Variants in CTNND2 observed in about 807,000 individuals in gnomAD.
CTNND2 encodes the protein catenin delta 2, also known as catenin delta-2.
CTNND2 carries 22 observed loss-of-function variants against 144.4 expected under a neutral mutation model. The ratio of observed to expected loss-of-function variants is 0.15; its 90% confidence interval spans 0.11 to 0.22. The LOEUF is 0.22. Ranked by LOEUF, CTNND2 falls within the 10% of genes least tolerant of loss-of-function variation. The probability of loss-of-function intolerance (pLI) is 1.00; values close to 1 mark genes in which losing one functional copy is unlikely to be tolerated. For synonymous variants in CTNND2, 751 were observed against 695.6 expected (o/e 1.08, Z -1.25); for missense variants, 1,353 against 1,618.8 (o/e 0.84, Z 2.82).
At chr5:11,573,509 T>C (rs986059336) in intron 2 of CTNND2, among the ~76,000 whole-genome samples, 1 of 152,106 alleles carries the variant, frequency 6.6e-6, no homozygotes, top group Non-Finnish European at 1.5e-5. Context: ...AGGGTAATAA[T>C]TGGAAGCCTA....
rs140750980 is a variant in CTNND2, at chr5:11,693,658, A to G, written c.174+38478T>C. Among the ~76,000 whole-genome samples the G allele has an allele frequency of 4.6e-5, 7 of 152,352 alleles. No homozygotes were observed. In the East Asian group the frequency reaches 1.3e-3, roughly 29 times the overall value. Reference sequence around the variant, plus strand: ...TTGATCACTGGTGTATGCCTGTCATACAGAAATGCTCCATAAATATTTGGA... The same window carrying G: ...TTGATCACTGGTGTATGCCTGTCATGCAGAAATGCTCCATAAATATTTGGA... On this transcript the variant is annotated intron_variant, in intron 2 of 21. Transcript: ENST00000304623.
chr5:11,830,773 C>T (rs1348503868), intron 1 of CTNND2, among the ~76,000 whole-genome samples: 1 of 152,068 alleles, frequency 6.6e-6, no homozygotes, highest in Admixed American at 6.5e-5. Context: ...TGCAGAGCAC[C>T]CGGACTCCTT....
intron 3 of CTNND2, among the ~76,000 whole-genome samples, chr5:11,428,262 ATT>A (rs2149868205): frequency 6.6e-6 from 1 of 152,288 alleles, no homozygotes; most frequent in South Asian, 2.1e-4. Flanking sequence ...TTTTTAATTA[ATT>A]TCCAAAATCT....
chr5:11,196,943 C>T (rs1736917521), intron 11 of CTNND2, among the ~76,000 whole-genome samples: 1 of 152,196 alleles, frequency 6.6e-6, no homozygotes, highest in Non-Finnish European at 1.5e-5. Flanking sequence ...CTGGCTTTGG[C>T]TTGCTTTACA....
At chr5:10,978,306 A>G (rs1019029870) in intron 21 of CTNND2, among the ~76,000 whole-genome samples, 2 of 152,206 alleles carry the variant, frequency 1.3e-5, no homozygotes, top group Non-Finnish European at 2.9e-5. Context: ...AGGACTCCCA[A>G]CCGGAAGAGA....
chr5:11,342,342 C>T (rs753423988), intron 9 of CTNND2, among the ~76,000 whole-genome samples: 10 of 152,188 alleles, frequency 6.6e-5, no homozygotes, highest in South Asian at 2.1e-4. Flanking sequence ...TCAAATTTTG[C>T]GGTTTGAAAC....
chr5:11,226,734 G>A (rs938807859), intron 10 of CTNND2, among the ~76,000 whole-genome samples: 4 of 152,200 alleles, frequency 2.6e-5, no homozygotes, highest in Non-Finnish European at 5.9e-5. Context: ...TGGGAATTAT[G>A]GGAACTACAA....
At chr5:11,153,301 A>G (rs1003379396) in intron 12 of CTNND2, among the ~76,000 whole-genome samples, 6 of 152,168 alleles carry the variant, frequency 3.9e-5, no homozygotes, top group African/African-American at 1.2e-4. Context: ...CAGCTGACAC[A>G]TGCCCCTCAT....
chr5:11,601,954 C>T (rs979137114), intron 2 of CTNND2, among the ~76,000 whole-genome samples: 2 of 151,998 alleles, frequency 1.3e-5, no homozygotes, highest in African/African-American at 4.8e-5. Context: ...AATCTGCCCC[C>T]GCCAAACACT....
chr5:11,675,961 G>A (rs1445232426), intron 2 of CTNND2, among the ~76,000 whole-genome samples: 1 of 151,742 alleles, frequency 6.6e-6, no homozygotes, highest in Admixed American at 6.6e-5. Context: ...AGTCATTTAT[G>A]TTCTTCTCTA....
chr5:11,147,482 G>C (rs1361927312), intron 12 of CTNND2, among the ~76,000 whole-genome samples: 1 of 152,064 alleles, frequency 6.6e-6, no homozygotes. Context: ...AAGAGCAGAG[G>C]GGCCCCACAT....
intron 9 of CTNND2, among the ~76,000 whole-genome samples, chr5:11,257,671 T>C (rs1744410681): frequency 6.6e-6 from 1 of 152,096 alleles, no homozygotes; most frequent in African/African-American, 2.4e-5. Flanking sequence ...ATGAGGAATA[T>C]GGGGTTACAA....
chr5:11,754,439 C>T (rs551832575), intron 1 of CTNND2, among the ~76,000 whole-genome samples: 29 of 90,334 alleles, frequency 3.2e-4, no homozygotes, highest in Non-Finnish European at 5.2e-4. Context: ...GGGGAGGGGG[C>T]GGGGAGGTGG....
intron 9 of CTNND2, among the ~76,000 whole-genome samples, chr5:11,336,501 C>A (rs190007855): frequency 6.6e-6 from 1 of 151,598 alleles, no homozygotes; most frequent in Admixed American, 6.6e-5. Context: ...TTTCAACACC[C>A]TATCAACACT....
chr5:11,535,191 A>AT (rs1440312564), intron 3 of CTNND2, among the ~76,000 whole-genome samples: 1 of 151,798 alleles, frequency 6.6e-6, no homozygotes, highest in Non-Finnish European at 1.5e-5. Flanking sequence ...CTGTCTTAAA[A>AT]AAAAAAAAAA....
chr5:11,082,264 CA>C (rs1416841758), intron 16 of CTNND2, among the ~76,000 whole-genome samples: 1 of 152,062 alleles, frequency 6.6e-6, no homozygotes, highest in Non-Finnish European at 1.5e-5. Flanking sequence ...TCTTGAATAC[CA>C]AATTAAAGAG....
At chr5:11,457,800 T>G (rs1449481934) in intron 3 of CTNND2, among the ~76,000 whole-genome samples, 3 of 152,208 alleles carry the variant, frequency 2.0e-5, no homozygotes. Flanking sequence ...ATCAGTTCTT[T>G]GCCTGCCTCT....
At chr5:11,386,426 C>T (rs1581083071) in intron 6 of CTNND2, among the ~76,000 whole-genome samples, 1 of 152,190 alleles carries the variant, frequency 6.6e-6, no homozygotes, top group Admixed American at 6.5e-5. Context: ...TCTGGAATGG[C>T]AATTGGCAAA....
intron 2 of CTNND2, among the ~76,000 whole-genome samples, chr5:11,594,173 T>C (rs1779391641): frequency 6.6e-6 from 1 of 152,218 alleles, no homozygotes; most frequent in South Asian, 2.1e-4. Context: ...AGAATGAATA[T>C]AGTATAGTAC....
Sources: allele counts gnomAD v4.1 joint callset (sites outside exome capture counted in the v4.1 genomes callset), GRCh38; gene constraint gnomAD v4.1.1; transcripts MANE v1.5; gene names NCBI Gene and HGNC (gene_info 2026-07-23, HGNC 2026-07-21).